Variants in C1orf21 observed in about 807,000 individuals in gnomAD.
The protein encoded by C1orf21 is chromosome 1 open reading frame 21.
C1orf21 carries 3 observed loss-of-function variants against 18.7 expected under a neutral mutation model. The observed-to-expected ratio is 0.16, with a 90% confidence interval of 0.07 to 0.42. The LOEUF is 0.42. Ranked by LOEUF, C1orf21 falls within the 10% of genes least tolerant of loss-of-function variation. C1orf21 has a pLI of 0.99. For synonymous variants in C1orf21, 41 were observed against 46.4 expected, an observed-to-expected ratio of 0.88 and a Z score of 0.47; for missense variants, 104 against 143.6, an observed-to-expected ratio of 0.72 and a Z score of 1.41.
rs1659985796 is a variant in C1orf21 at position 184,625,089 on chromosome 1, A to G, written c.*5533A>G. The G allele has an allele frequency of 6.6e-6, 1 of 152,210 alleles. No homozygotes were observed. Among genetic ancestry groups the G allele is most frequent in the African/African-American group, 2.4e-5 (1 of 41,448 alleles). 9.4% of individuals were successfully genotyped at this position (152,210 alleles called of 1,614,324 possible). A position where few individuals can be genotyped will look rare whatever the true frequency, so the allele number is the denominator to read the frequency against. On this transcript the variant is annotated 3_prime_UTR_variant, in exon 6 of 6. Transcript: ENST00000235307. Reference sequence around the variant, plus strand: ...ACTTGGGAACCACAGAAATTGCTGTATTTCGGGAAGATTCACCTCTAAACT... The same window carrying G: ...ACTTGGGAACCACAGAAATTGCTGTGTTTCGGGAAGATTCACCTCTAAACT...
chr1:184,495,514 A>T (rs1054151032), intron 2 of C1orf21, among the ~76,000 whole-genome samples: 1 of 152,106 alleles, frequency 6.6e-6, no homozygotes, highest in African/African-American at 2.4e-5. Context: ...GTTACCTTTT[A>T]AAGAAAAAAT....
chr1:184,416,845 G>T (rs1656460584), intron 1 of C1orf21, among the ~76,000 whole-genome samples: 1 of 152,164 alleles, frequency 6.6e-6, no homozygotes, highest in Non-Finnish European at 1.5e-5. Context: ...TCGTGTTACT[G>T]GAAGAAATGC....
At chr1:184,443,687 C>T (rs1331081245) in intron 1 of C1orf21, among the ~76,000 whole-genome samples, 2 of 152,182 alleles carry the variant, frequency 1.3e-5, no homozygotes, top group African/African-American at 4.8e-5. Flanking sequence ...CATCTATCCT[C>T]CCTCAAGCCT....
At chr1:184,466,343 C>T (rs774139871) in intron 1 of C1orf21, among the ~76,000 whole-genome samples, 3 of 152,140 alleles carry the variant, frequency 2.0e-5, no homozygotes, top group Non-Finnish European at 2.9e-5. Context: ...TGAGCAAACT[C>T]GTCAAGGGCA....
chr1:184,503,501 C>T (rs575556764), intron 2 of C1orf21, among the ~76,000 whole-genome samples: 6 of 152,204 alleles, frequency 3.9e-5, no homozygotes, highest in East Asian at 1.9e-4. Flanking sequence ...TGCTGTCCTC[C>T]GTCCCCTCTC....
chr1:184,515,369 A>ATTTC (rs781185828), intron 3 of C1orf21, among the ~76,000 whole-genome samples: 8 of 152,220 alleles, frequency 5.3e-5, no homozygotes, highest in Non-Finnish European at 1.0e-4. Flanking sequence ...TGCAAGTAGA[A>ATTTC]TTATGACATT....
At chr1:184,392,186 T>C (rs1655979607) in intron 1 of C1orf21, among the ~76,000 whole-genome samples, 1 of 152,238 alleles carries the variant, frequency 6.6e-6, no homozygotes, top group Admixed American at 6.5e-5. Context: ...TTCAAAGTCC[T>C]TTCATGTAAC....
intron 1 of C1orf21, among the ~76,000 whole-genome samples, chr1:184,395,485 T>G (rs1400516473): frequency 6.6e-6 from 1 of 152,204 alleles, no homozygotes; most frequent in Non-Finnish European, 1.5e-5. Flanking sequence ...AAACATTGAC[T>G]TTTGTTAATG....
In C1orf21 at chr1:184,544,284, G is replaced by A. The variant is rs1890655; in HGVS notation, c.189+36602G>A. On this transcript the variant is annotated intron_variant, in intron 3 of 5. Coordinates refer to ENST00000235307, the MANE Select transcript of C1orf21 (RefSeq NM_030806.4). ...TTAAATGAAAGGCAGTGGTTTAGAA[G>A]TTGAGGCAGGGTGGCTCAGAGTCTC... 7.1e-3 allele frequency among the ~76,000 whole-genome samples: 1,078 copies of A among 152,312 alleles called. 15 individuals are homozygous for A. Among genetic ancestry groups the A allele is most frequent in the African/African-American group, 0.025 (1,040 of 41,560 alleles).
chr1:184,551,430 T>G (rs938057413), intron 3 of C1orf21, among the ~76,000 whole-genome samples: 1 of 151,680 alleles, frequency 6.6e-6, no homozygotes, highest in Non-Finnish European at 1.5e-5. Context: ...AAATGGAGAG[T>G]TTACTGTAAA....
chr1:184,611,463 C>T (rs1659735425), intron 5 of C1orf21, among the ~76,000 whole-genome samples: 1 of 152,148 alleles, frequency 6.6e-6, no homozygotes, highest in African/African-American at 2.4e-5. Flanking sequence ...TTCACTTTTC[C>T]AGCCTCCTCT....
chr1:184,567,328 C>A, intron 3 of C1orf21: 1 of 466,414 alleles, frequency 2.1e-6, no homozygotes. Context: ...CACCTGACTT[C>A]CAGGAAAGCA....
intron 3 of C1orf21, among the ~76,000 whole-genome samples, chr1:184,549,248 G>T (rs1302725826): frequency 1.3e-5 from 2 of 152,128 alleles, no homozygotes; most frequent in African/African-American, 2.4e-5. Context: ...GATGATTTTG[G>T]TGAAGTGGGT....
intron 5 of C1orf21, among the ~76,000 whole-genome samples, chr1:184,610,718 G>A (rs1476926705): frequency 6.6e-6 from 1 of 151,974 alleles, no homozygotes; most frequent in African/African-American, 2.4e-5. Flanking sequence ...CATGGTGGCA[G>A]GCGCCTGTAG....
chr1:184,395,403 A>T (rs1321419473), intron 1 of C1orf21, among the ~76,000 whole-genome samples: 1 of 152,088 alleles, frequency 6.6e-6, no homozygotes. Context: ...GATAATATAA[A>T]TTTTTAAATT....
At chr1:184,597,245 CAATT>C (rs1292851158) in intron 4 of C1orf21, among the ~76,000 whole-genome samples, 1 of 152,196 alleles carries the variant, frequency 6.6e-6, no homozygotes, top group African/African-American at 2.4e-5. Flanking sequence ...TAAACCATGA[CAATT>C]GATTAATGGA....
Position 184,603,774 on chromosome 1 carries a change from C to T in C1orf21, c.327+5313C>T, listed in dbSNP as rs147518820. On this transcript the variant is annotated intron_variant, in intron 5 of 5. Transcript: ENST00000235307. Reference sequence around the variant, plus strand: ...CCACGCCACTGCCCTCCAGCCTGGGCGACAGAGCAAGACTCCGTGTCAAAA... The same window carrying T: ...CCACGCCACTGCCCTCCAGCCTGGGTGACAGAGCAAGACTCCGTGTCAAAA... Among the ~76,000 whole-genome samples the T allele has an allele frequency of 5.5e-3, 832 of 152,138 alleles. 9 individuals carry two copies. Among genetic ancestry groups the T allele is most frequent in the African/African-American group, 0.019 (781 of 41,516 alleles).
intron 1 of C1orf21, among the ~76,000 whole-genome samples, chr1:184,467,684 T>G (rs1291409368): frequency 1.3e-5 from 2 of 152,196 alleles, no homozygotes; most frequent in Non-Finnish European, 2.9e-5. Context: ...CTTTCTAGTG[T>G]CTCTTGTCCC....
chr1:184,562,622 T>A (rs905890501), intron 3 of C1orf21, among the ~76,000 whole-genome samples: 1 of 152,202 alleles, frequency 6.6e-6, no homozygotes, highest in South Asian at 2.1e-4. Context: ...TGGTAAATTG[T>A]CATTTGTCTA....
Sources: gnomAD v4.1 joint callset for allele counts (sites outside exome capture counted in the v4.1 genomes callset) on GRCh38, gnomAD v4.1.1 for gene constraint, MANE v1.5 for transcripts, NCBI Gene and HGNC (gene_info 2026-07-23, HGNC 2026-07-21) for gene names.